Variants in DIP2C observed in about 807,000 individuals in gnomAD.
DIP2C encodes the protein disco-interacting protein 2 homolog C.
A neutral mutation model predicts 192.4 loss-of-function variants in DIP2C; 33 were observed. That is an observed-to-expected ratio of 0.17 (90% CI 0.13 to 0.23). The LOEUF (loss-of-function observed/expected upper bound fraction) is 0.23. Ranked by LOEUF, DIP2C falls within the 10% of genes least tolerant of loss-of-function variation. The probability of loss-of-function intolerance (pLI) is 1.00; values close to 1 mark genes in which losing one functional copy is unlikely to be tolerated. For synonymous variants in DIP2C, 979 were observed against 864.1 expected, an observed-to-expected ratio of 1.13 and a Z score of -2.33; for missense variants, 1,537 against 2,110.1, an observed-to-expected ratio of 0.73 and a Z score of 5.32.
chr10:661,534 C>T (rs1397820181), intron 1 of DIP2C, among the ~76,000 whole-genome samples: 1 of 152,192 alleles, frequency 6.6e-6, no homozygotes, highest in Non-Finnish European at 1.5e-5. Flanking sequence ...GAGTCCCACC[C>T]CCTGGTTTTC....
In DIP2C at chr10:409,957, C is replaced by T. The variant is rs117547462; in HGVS notation, c.1058-940G>A. On this transcript the variant is annotated intron_variant, in intron 8 of 36. Coordinates refer to ENST00000280886, the MANE Select transcript of DIP2C (RefSeq NM_014974.3). Reference sequence around the variant, plus strand: ...TCTCAGTAGTCAAGGTGTTAGAAGACGTGATAATGCTGTAATAGTGTAATA... The same window carrying T: ...TCTCAGTAGTCAAGGTGTTAGAAGATGTGATAATGCTGTAATAGTGTAATA... Among the ~76,000 whole-genome samples, 43 of 152,308 alleles carry T rather than the reference C, an allele frequency of 2.8e-4. 2 individuals carry two copies. The East Asian group carries it at 5.0e-3, about 18-fold the overall frequency.
At chr10:444,211 T>C (rs565347628) in intron 3 of DIP2C, among the ~76,000 whole-genome samples, 1 of 151,736 alleles carries the variant, frequency 6.6e-6, no homozygotes, top group South Asian at 2.1e-4. Context: ...CACCCGAGAC[T>C]CGTGTAGATT....
At chr10:417,903 T>A (rs368927821) in intron 6 of DIP2C, among the ~76,000 whole-genome samples, 1 of 25,614 alleles carries the variant, frequency 3.9e-5, no homozygotes. Context: ...AGGGCTCGGA[T>A]AGGCCTCCCT....
intron 19 of DIP2C, 123 bp from the exon 20 acceptor site, chr10:364,705 G>GCC: frequency 9.1e-7 from 1 of 1,099,688 alleles, no homozygotes; most frequent in Non-Finnish European, 1.3e-6. Flanking sequence ...CAGCAACCCT[G>GCC]CCCTAGGGCC....
At chr10:627,817 G>A (rs1030837230) in intron 1 of DIP2C, among the ~76,000 whole-genome samples, 1 of 152,240 alleles carries the variant, frequency 6.6e-6, no homozygotes, top group African/African-American at 2.4e-5. Flanking sequence ...CTTCACGAGA[G>A]GCACCACCGT....
At chr10:462,519 G>A (rs1969876700) in intron 3 of DIP2C, among the ~76,000 whole-genome samples, 1 of 152,170 alleles carries the variant, frequency 6.6e-6, no homozygotes, top group South Asian at 2.1e-4. Context: ...TTCTGAAATT[G>A]AGGCAGGAAT....
At chr10:507,290 TAC>T (rs1454124965) in intron 1 of DIP2C, among the ~76,000 whole-genome samples, 2 of 149,948 alleles carry the variant, frequency 1.3e-5, no homozygotes, top group African/African-American at 4.9e-5. Context: ...CGTATGAGGT[TAC>T]AGACCTAGTC....
intron 1 of DIP2C, among the ~76,000 whole-genome samples, chr10:524,967 C>CAA (rs10652748): frequency 0.52 from 57,642 of 110,952 alleles, 15,692 homozygotes; most frequent in East Asian, 0.72. Flanking sequence ...ATCACAATTT[C>CAA]AAAAAAAAAA....
chr10:672,944 G>A (rs901726028), intron 1 of DIP2C, among the ~76,000 whole-genome samples: 1 of 152,250 alleles, frequency 6.6e-6, no homozygotes, highest in Non-Finnish European at 1.5e-5. Context: ...GAATTGTACA[G>A]TGAATACCCA....
intron 6 of DIP2C, among the ~76,000 whole-genome samples, chr10:416,896 C>T (rs1199933163): frequency 6.6e-6 from 1 of 152,162 alleles, no homozygotes; most frequent in East Asian, 1.9e-4. Flanking sequence ...GAGGCAGAGC[C>T]CTTGTTCGCC....
At chr10:390,923 C>T (rs947092304) in intron 10 of DIP2C, 60 bp from the exon 11 acceptor site, 65 of 1,593,770 alleles carry the variant, frequency 4.1e-5, no homozygotes, top group Non-Finnish European at 5.4e-5. Context: ...GCCCAGCCTT[C>T]GGCCCTCCCT....
intron 3 of DIP2C, among the ~76,000 whole-genome samples, chr10:467,012 A>G (rs1589858779): frequency 1.3e-5 from 2 of 151,026 alleles, no homozygotes; most frequent in Non-Finnish European, 2.9e-5. Context: ...ATACCATTTG[A>G]CCCAGCCATC....
At position 281,443 on chromosome 10, in the gene DIP2C, C is replaced by G. The variant is rs933384969; in HGVS notation, c.4295-120G>C. On this transcript the variant is annotated intron_variant, in intron 35 of 36. Transcript: ENST00000280886. ...TGAGACAGGGATGCAAAGGAAGGGG[C>G]TCACGGATCCAGGGACGTTTGTTTC... is the stretch of plus-strand genomic sequence containing the variant. The G allele has an allele frequency of 3.6e-6, 5 of 1,369,892 alleles. No individual in the cohort carries two copies. In the African/African-American group the frequency reaches 7.3e-5, roughly 20 times the overall value. The allele number at this position is 1,369,892 out of a possible 1,614,324, so 84.9% of individuals were successfully genotyped here. A position where few individuals can be genotyped will look rare whatever the true frequency, so the allele number is the denominator to read the frequency against.
chr10:477,803 G>C, intron 2 of DIP2C, among the ~76,000 whole-genome samples: 1 of 127,378 alleles, frequency 7.9e-6, no homozygotes, highest in Non-Finnish European at 1.6e-5. Flanking sequence ...GGGAAGGAAG[G>C]AAAGAGAAGG....
At chr10:672,207 C>T (rs1303794794) in intron 1 of DIP2C, among the ~76,000 whole-genome samples, 3 of 151,520 alleles carry the variant, frequency 2.0e-5, no homozygotes, top group South Asian at 2.1e-4. Flanking sequence ...GAAAGAAACA[C>T]CACCGACGCA....
chr10:454,050 C>T (rs185091232), intron 3 of DIP2C, among the ~76,000 whole-genome samples: 1 of 152,166 alleles, frequency 6.6e-6, no homozygotes, highest in Non-Finnish European at 1.5e-5. Flanking sequence ...CTGAAGAAGG[C>T]AATAAAGGGT....
At chr10:655,963 A>G (rs1415526659) in intron 1 of DIP2C, among the ~76,000 whole-genome samples, 1 of 151,958 alleles carries the variant, frequency 6.6e-6, no homozygotes, top group Admixed American at 6.6e-5. Flanking sequence ...TACCCTATAT[A>G]ACGCTATACT....
chr10:389,895 G>T, intron 13 of DIP2C, 96 bp downstream of exon 13: 1 of 972,276 alleles, frequency 1.0e-6, no homozygotes, highest in Non-Finnish European at 1.6e-6. Flanking sequence ...CAAACTTCAC[G>T]CTATTTCTAT....
intron 4 of DIP2C, among the ~76,000 whole-genome samples, chr10:423,691 G>A (rs993540597): frequency 1.3e-5 from 2 of 151,650 alleles, no homozygotes; most frequent in Admixed American, 1.3e-4. Flanking sequence ...TGGTGTGTTA[G>A]ATAACCATGC....
Sources: allele counts gnomAD v4.1 joint callset (sites outside exome capture counted in the v4.1 genomes callset), GRCh38; gene constraint gnomAD v4.1.1; transcripts MANE v1.5; gene names NCBI Gene and HGNC (gene_info 2026-07-23, HGNC 2026-07-21).